The following TLN2 variants were observed in gnomAD, a reference collection of about 807,000 sequenced individuals.
The protein encoded by TLN2 is talin 2.
In TLN2, 118 loss-of-function variants were observed where a neutral mutation model predicts 294.7. The observed-to-expected ratio is 0.40, with a 90% CI of 0.34 to 0.47. The LOEUF (loss-of-function observed/expected upper bound fraction) is 0.47. Among genes scored for constraint, TLN2 ranks in the 20% least tolerant of loss-of-function variants. The probability of loss-of-function intolerance (pLI) is 0.84; values close to 1 mark genes in which losing one functional copy is unlikely to be tolerated. For synonymous variants in TLN2, 1,431 were observed against 1,304.5 expected, an observed-to-expected ratio of 1.10 and a Z score of -2.09; for missense variants, 3,083 against 3,282.2, an observed-to-expected ratio of 0.94 and a Z score of 1.48.
chr15:62,791,444 GTTC>G (rs2065072342), intron 45 of TLN2, among the ~76,000 whole-genome samples: 1 of 152,172 alleles, frequency 6.6e-6, no homozygotes, highest in South Asian at 2.1e-4. Flanking sequence ...GGATTTAAAA[GTTC>G]TTTGGGCCTT....
chr15:62,649,977 AAGG>A (rs2052400545), intron 4 of TLN2, 104 bp from the exon 5 acceptor site: 7 of 1,061,026 alleles, frequency 6.6e-6, no homozygotes, highest in South Asian at 5.5e-5. Flanking sequence ...CTGTCTGGTG[AAGG>A]AGAACACCCA....
At chr15:62,427,282 G>A (rs1192056081) in intron 1 of TLN2, among the ~76,000 whole-genome samples, 1 of 152,218 alleles carries the variant, frequency 6.6e-6, no homozygotes, top group African/African-American at 2.4e-5. Context: ...CCTGGGAACT[G>A]TGGGAGTAGT....
Position 62,835,657 on chromosome 15 carries a change from C to T in TLN2, c.7129-80C>T, listed in dbSNP as rs761203548. ...CCAAGCGGGGTACAAGTCTGGTTCC[C>T]GAGCAAGGTCTGGGGATGAGGGGCT... is the stretch of plus-strand genomic sequence containing the variant. On this transcript the variant is annotated intron_variant, in intron 55 of 58. Coordinates refer to ENST00000636159, the MANE Select transcript of TLN2 (RefSeq NM_015059.3). The T allele has an allele frequency of 1.1e-4, 174 of 1,536,116 alleles. 1 individual carries two copies. Among genetic ancestry groups the T allele is most frequent in the Admixed American group, 4.0e-4 (24 of 59,726 alleles).
At chr15:62,588,486 A>G (rs905521066) in intron 1 of TLN2, among the ~76,000 whole-genome samples, 5 of 151,274 alleles carry the variant, frequency 3.3e-5, no homozygotes, top group African/African-American at 9.7e-5. Context: ...AAATACAAAA[A>G]TTAGCTGGGT....
At chr15:62,719,302 AG>A (rs1203083386) in intron 24 of TLN2, among the ~76,000 whole-genome samples, 12 of 152,214 alleles carry the variant, frequency 7.9e-5, no homozygotes, top group Admixed American at 6.5e-4. Context: ...GGCAACACAA[AG>A]GCGCAGAATG....
chr15:62,447,836 G>A (rs1008714652), intron 1 of TLN2, among the ~76,000 whole-genome samples: 4 of 152,092 alleles, frequency 2.6e-5, no homozygotes, highest in Admixed American at 6.5e-5. Flanking sequence ...GCTCGGCCCC[G>A]CCCCACTCAC....
chr15:62,771,654 G>A (rs901130938), intron 42 of TLN2, among the ~76,000 whole-genome samples: 3 of 152,334 alleles, frequency 2.0e-5, no homozygotes, highest in Non-Finnish European at 1.5e-5. Context: ...ATTTTACCCT[G>A]AACTTGGGAA....
intron 12 of TLN2, among the ~76,000 whole-genome samples, chr15:62,688,651 CTCAG>C (rs1414381756): frequency 3.3e-5 from 5 of 152,084 alleles, no homozygotes; most frequent in Non-Finnish European, 5.9e-5. Context: ...TCTTTCAGCT[CTCAG>C]TTTTTGTTTC....
intron 24 of TLN2, 39 bp from the exon 25 acceptor site, chr15:62,719,728 A>G: frequency 6.6e-7 from 1 of 1,509,754 alleles, no homozygotes; most frequent in South Asian, 1.3e-5. Flanking sequence ...TGGTCCCACC[A>G]TTCTAGCCAT....
rs751941359 is a variant in TLN2 at position 62,781,236 on chromosome 15, G to A, written c.5611G>A (p.Glu1871Lys). 10 of 1,613,358 alleles carry A rather than the reference G, an allele frequency of 6.2e-6. No individual in the cohort carries two copies. In the Admixed American group the frequency reaches 1.5e-4, roughly 24 times the overall value. Residue 1871 changes from glutamate (E) to lysine (K), a missense_variant, in exon 44 of 59, where the codon GAA becomes AAA. Physicochemically the swap from Glu to Lys is moderately conservative, Grantham distance 56. Transcript: ENST00000636159. Reference protein sequence around the residue: ...YSKAIAVTAQEMMTKSVTNPE... With the variant: ...YSKAIAVTAQKMMTKSVTNPE... ...CAAAGCCATTGCGGTGACAGCTCAG[G>A]AAATGGTAAGAGGGAAGAGAGCTGC...
chr15:62,439,296 A>C (rs1272033654), intron 1 of TLN2, among the ~76,000 whole-genome samples: 1 of 152,142 alleles, frequency 6.6e-6, no homozygotes, highest in Non-Finnish European at 1.5e-5. Context: ...TGGGATACAG[A>C]ACATTTGACC....
intron 1 of TLN2, among the ~76,000 whole-genome samples, chr15:62,560,264 A>G (rs1424704015): frequency 6.6e-6 from 1 of 152,148 alleles, no homozygotes; most frequent in Non-Finnish European, 1.5e-5. Context: ...TTTTTGAGAC[A>G]GAGTCACGCT....
At chr15:62,797,769 G>A (rs926445958) in intron 48 of TLN2, among the ~76,000 whole-genome samples, 3 of 152,208 alleles carry the variant, frequency 2.0e-5, no homozygotes, top group Non-Finnish European at 2.9e-5. Flanking sequence ...TGGGCAGGGG[G>A]AGGTGGAGGA....
intron 1 of TLN2, among the ~76,000 whole-genome samples, chr15:62,408,021 C>G (rs1181877121): frequency 1.3e-5 from 2 of 152,160 alleles, no homozygotes; most frequent in African/African-American, 4.8e-5. Flanking sequence ...GGATTGTCTT[C>G]TTGTACAGTA....
intron 1 of TLN2, among the ~76,000 whole-genome samples, chr15:62,462,167 G>C (rs1416553296): frequency 6.6e-6 from 1 of 152,262 alleles, no homozygotes; most frequent in Non-Finnish European, 1.5e-5. Context: ...CCGGGAGGCG[G>C]AGGTTGCAGT....
chr15:62,776,825 A>T lies in TLN2; in HGVS notation c.5429A>T (p.Asp1810Val). The T allele has an allele frequency of 6.2e-7, 1 of 1,601,308 alleles. No individual in the cohort carries two copies. The highest frequency in any genetic ancestry group is 1.1e-5 in the South Asian group (1 of 89,552). The change falls in exon 43 of 59, where the codon GAC (aspartate) becomes GTC (valine). Residue 1810 changes from aspartate to valine, a missense_variant. Asp to Val is a radical substitution (Grantham distance 152). Transcript: ENST00000636159. ...AAQLMKEAVD[D>V]IMVTLNEAAS... ...CAGTTGATGAAGGAAGCCGTGGATG[A>T]CATCATGGTGACGCTGAACGAAGCT... is the stretch of plus-strand genomic sequence containing the variant.
intron 11 of TLN2, among the ~76,000 whole-genome samples, chr15:62,680,445 A>G (rs1249735746): frequency 1.3e-5 from 2 of 152,208 alleles, no homozygotes; most frequent in African/African-American, 2.4e-5. Context: ...AAGGAAATTG[A>G]TAAGACATAT....
At chr15:62,661,052 A>C (rs2053764040) in intron 9 of TLN2, among the ~76,000 whole-genome samples, 1 of 152,216 alleles carries the variant, frequency 6.6e-6, no homozygotes, top group African/African-American at 2.4e-5. Context: ...GTAGAAGGTC[A>C]ATGTAAAGAA....
At chr15:62,839,813 G>A (rs2070389064) in intron 58 of TLN2, among the ~76,000 whole-genome samples, 2 of 152,178 alleles carry the variant, frequency 1.3e-5, no homozygotes, top group African/African-American at 4.8e-5. Flanking sequence ...ACAGAGAAGG[G>A]GCTCTGATCA....
Sources: allele counts gnomAD v4.1 joint callset (sites outside exome capture counted in the v4.1 genomes callset), GRCh38; gene constraint gnomAD v4.1.1; transcripts MANE v1.5; gene names NCBI Gene and HGNC (gene_info 2026-07-23, HGNC 2026-07-21).